Variants in ASCC3 observed in about 807,000 individuals in gnomAD.
ASCC3 encodes the protein ASC-1 complex subunit P200.
A neutral mutation model predicts 256.3 loss-of-function variants in ASCC3; 158 were observed. The observed-to-expected ratio is 0.62, with a 90% CI of 0.54 to 0.70. The LOEUF is 0.70. ASCC3 is among the 30% of genes least tolerant of loss of function. ASCC3 has a pLI of 0.00. For missense variants in ASCC3, 2,259 were observed against 2,626.0 expected, an observed-to-expected ratio of 0.86 and a Z score of 3.05; for synonymous variants, 948 against 883.4, an observed-to-expected ratio of 1.07 and a Z score of -1.30.
intron 10 of ASCC3, among the ~76,000 whole-genome samples, chr6:100,750,640 T>G (rs750058327): frequency 1.3e-5 from 2 of 152,064 alleles, no homozygotes; most frequent in Non-Finnish European, 2.9e-5. Context: ...TCCTTATAAC[T>G]ACATAGTTTT....
intron 25 of ASCC3, among the ~76,000 whole-genome samples, chr6:100,633,541 A>C (rs1774663917): frequency 6.6e-6 from 1 of 152,038 alleles, no homozygotes; most frequent in South Asian, 2.1e-4. Flanking sequence ...CAAACATTCT[A>C]TCTGTGAAAT....
chr6:100,674,778 C>A (rs984973964), intron 14 of ASCC3, among the ~76,000 whole-genome samples: 2 of 151,880 alleles, frequency 1.3e-5, no homozygotes, highest in African/African-American at 2.4e-5. Flanking sequence ...GGACTACAGG[C>A]GTATGCCACC....
intron 4 of ASCC3, among the ~76,000 whole-genome samples, chr6:100,844,099 T>C (rs1394658937): frequency 6.6e-6 from 1 of 150,406 alleles, no homozygotes; most frequent in Non-Finnish European, 1.5e-5. Context: ...CCTGGCTTTA[T>C]AAGAAAAGAA....
At chr6:100,608,090 C>T (rs566874344) in intron 30 of ASCC3, among the ~76,000 whole-genome samples, 1,427 of 71,654 alleles carry the variant, frequency 0.02, 63 homozygotes, top group African/African-American at 0.071. Flanking sequence ...GTATATATAT[C>T]TATATACACA....
At chr6:100,637,546 A>G (rs1774901741) in intron 25 of ASCC3, among the ~76,000 whole-genome samples, 1 of 152,132 alleles carries the variant, frequency 6.6e-6, no homozygotes, top group African/African-American at 2.4e-5. Flanking sequence ...AATATGTTTC[A>G]TAAGACCGTA....
At position 100,679,509 on chromosome 6, in the gene ASCC3, T is replaced by C. The variant is rs554323026; in HGVS notation, c.2286+109A>G. The C allele has an allele frequency of 1.0e-5, 15 of 1,495,632 alleles. No homozygotes were observed. The African/African-American group carries it at 1.5e-4, about 15-fold the overall frequency. The allele number at this position is 1,495,632 out of a possible 1,614,324, so 92.6% of individuals were successfully genotyped here. On this transcript the variant is annotated intron_variant, in intron 14 of 41. Coordinates refer to ENST00000369162, the MANE Select transcript of ASCC3 (RefSeq NM_006828.4). Reference sequence around the variant, plus strand: ...AAAGTCAAGATTATAACATCATAAATCTGCAAAATTAACTTCTTGGAAATT... The same window carrying C: ...AAAGTCAAGATTATAACATCATAAACCTGCAAAATTAACTTCTTGGAAATT...
At chr6:100,822,736 T>C (rs1162548138) in intron 4 of ASCC3, among the ~76,000 whole-genome samples, 1 of 152,070 alleles carries the variant, frequency 6.6e-6, no homozygotes, top group East Asian at 1.9e-4. Flanking sequence ...AAATAGGAAA[T>C]GCTCTCTATA....
chr6:100,661,881 G>T lies in ASCC3; in HGVS notation c.2628C>A (p.Tyr876Ter). The change falls in exon 16 of 42, where the codon TAC becomes TAA. Residue 876 changes from tyrosine (Y) to a stop codon, truncating the protein, a stop_gained. Coordinates refer to ENST00000369162, the MANE Select transcript of ASCC3 (RefSeq NM_006828.4). LOFTEE classifies it high-confidence loss of function. ...IITTHDKLSH[Y>*]LTLLTQRNPI... is the part of the protein sequence containing the mutation. ...GGTTTCGTTGAGTGAGCAAAGTGAG[G>T]TAATGGCTGAGTTTATCATGCGTTG... is the stretch of plus-strand genomic sequence containing the variant. 1 of 1,613,344 alleles carries T rather than the reference G, an allele frequency of 6.2e-7. No homozygotes were observed. Among genetic ancestry groups the T allele is most frequent in the Non-Finnish European group, 8.5e-7 (1 of 1,179,444 alleles).
intron 16 of ASCC3, among the ~76,000 whole-genome samples, chr6:100,658,283 C>A (rs561029348): frequency 6.6e-6 from 1 of 151,430 alleles, no homozygotes; most frequent in Admixed American, 6.6e-5. Flanking sequence ...AAAATAAAAT[C>A]CCCCACGAAT....
At chr6:100,772,483 GAATT>G (rs1387224563) in intron 8 of ASCC3, among the ~76,000 whole-genome samples, 1 of 152,138 alleles carries the variant, frequency 6.6e-6, no homozygotes, top group African/African-American at 2.4e-5. Flanking sequence ...CATTAAAAAA[GAATT>G]AATTATTGAG....
chr6:100,592,387 T>G (rs1335724553), intron 34 of ASCC3, among the ~76,000 whole-genome samples: 1 of 152,046 alleles, frequency 6.6e-6, no homozygotes, highest in Non-Finnish European at 1.5e-5. Context: ...TGAACTTCAC[T>G]GATCTTTACC....
intron 5 of ASCC3, among the ~76,000 whole-genome samples, chr6:100,802,803 T>C (rs1769983114): frequency 1.3e-5 from 2 of 151,796 alleles, no homozygotes; most frequent in African/African-American, 2.4e-5. Flanking sequence ...AGTTCAAGAC[T>C]ACCCTGGGCA....
rs1436081077 is a variant in ASCC3, at chr6:100,509,433, C to T, written c.6562G>A (p.Val2188Ile). The T allele has an allele frequency of 3.1e-6, 5 of 1,614,058 alleles. No homozygotes were observed. The African/African-American group carries it at 5.3e-5, about 17-fold the overall frequency. ...AGGGAATCAGAGACCTTGGTGTTGA[C>T]CTGTGCAGAAAGACTCGCTTGTGTA... ...NVTQASLSAQ[V>I]NTKVSDSLTD... Residue 2188 changes from valine to isoleucine, a missense_variant, in exon 42 of 42, where the codon GTC becomes ATC. Around this residue, in one of 2 missense-constraint regions of ASCC3, gnomAD observed 1,839 missense variants for 2,206.7 expected, o/e 0.83. Transcript: ENST00000369162.
chr6:100,860,648 G>A (rs1258309308), intron 3 of ASCC3, among the ~76,000 whole-genome samples: 1 of 151,996 alleles, frequency 6.6e-6, no homozygotes, highest in African/African-American at 2.4e-5. Context: ...TTTCATTAAA[G>A]CATTCACAGT....
intron 36 of ASCC3, among the ~76,000 whole-genome samples, chr6:100,582,356 T>A (rs1771336192): frequency 6.6e-6 from 1 of 151,956 alleles, no homozygotes. Flanking sequence ...CAATTGTGAA[T>A]GGGACTTCAC....
rs767896747 is a variant in ASCC3, at chr6:100,540,171, C to G, written c.5767G>C (p.Val1923Leu). 1 of 1,613,134 alleles carries G rather than the reference C, an allele frequency of 6.2e-7. No individual in the cohort carries two copies. Among genetic ancestry groups the G allele is most frequent in the East Asian group, 2.2e-5 (1 of 44,876 alleles). The change falls in exon 37 of 42, where the codon GTA (valine) becomes CTA (leucine). Residue 1923 changes from valine (V) to leucine (L), a missense_variant. Physicochemically the swap from Val to Leu is conservative, Grantham distance 32. Around this residue, in one of 2 missense-constraint regions of ASCC3, gnomAD observed 1,839 missense variants for 2,206.7 expected, o/e 0.83. Coordinates refer to ENST00000369162, the MANE Select transcript of ASCC3 (RefSeq NM_006828.4). ...TKTVLDQALR[V>L]CQAMLDVAAN... The stretch of plus-strand genomic sequence containing the variant: ...AGAAATGACTTTCATACCTGACATA[C>G]TCTGAGAGCTTGGTCCAAGACTGTT...
At chr6:100,590,304 T>C (rs183960725) in intron 34 of ASCC3, among the ~76,000 whole-genome samples, 187 of 152,178 alleles carry the variant, frequency 1.2e-3, no homozygotes, top group African/African-American at 4.4e-3. Flanking sequence ...AGAAGGGACA[T>C]CATCAGGGTA....
intron 37 of ASCC3, among the ~76,000 whole-genome samples, chr6:100,537,824 T>C (rs1197270712): frequency 6.6e-6 from 1 of 151,334 alleles, no homozygotes; most frequent in African/African-American, 2.4e-5. Flanking sequence ...TTAAATGCTG[T>C]TTAGAAGGAT....
At chr6:100,560,805 G>A (rs942042042) in intron 36 of ASCC3, among the ~76,000 whole-genome samples, 9 of 140,942 alleles carry the variant, frequency 6.4e-5, no homozygotes, top group Admixed American at 2.9e-4. Flanking sequence ...ACACATAACA[G>A]GCAAGCACAT....
Sources: gnomAD v4.1 joint callset for allele counts (sites outside exome capture counted in the v4.1 genomes callset) on GRCh38, gnomAD v4.1.1 for gene constraint, gnomAD v4.1.1 regional missense constraint, MANE v1.5 for transcripts, NCBI Gene and HGNC (gene_info 2026-07-23, HGNC 2026-07-21) for gene names.